The following GSR variants were observed in gnomAD, a reference collection of about 807,000 sequenced individuals.
GSR encodes glutathione reductase, mitochondrial.
Under a neutral mutation model 56.5 loss-of-function variants are expected in GSR, and 48 were observed. The ratio of observed to expected loss-of-function variants is 0.85; its 90% CI spans 0.67 to 1.08. The LOEUF (loss-of-function observed/expected upper bound fraction) is 1.08, where lower values mean the gene tolerates loss of function less well. GSR is among the 50% of genes least tolerant of loss of function. GSR has a pLI of 0.00. For synonymous variants in GSR, 264 were observed against 270.8 expected (o/e 0.97, Z 0.25); for missense variants, 694 against 703.3 (o/e 0.99, Z 0.15).
chr8:30,703,049 T>C (rs200512685), intron 5 of GSR, 44 bp downstream of exon 5: 36 of 1,600,774 alleles, frequency 2.2e-5, no homozygotes, highest in Non-Finnish European at 2.9e-5. Context: ...AAAGCAACAG[T>C]AAACTCCTGA....
Position 30,703,090 on chromosome 8 carries a change from C to T in GSR, c.640+3G>A, listed in dbSNP as rs764131758. On this transcript the variant is annotated splice_donor_region_variant and intron_variant, in intron 5 of 12. Transcript: ENST00000221130. ...GTTAATGAGTACCTGTTGTATGACT[C>T]ACCGGGGATCTGGCTCTCATGAGGG... 9.9e-6 allele frequency: 16 copies of T among 1,613,906 alleles called. No homozygotes were observed. The highest frequency in any genetic ancestry group is 1.3e-5 in the Non-Finnish European group (15 of 1,179,852).
intron 1 of GSR, among the ~76,000 whole-genome samples, chr8:30,723,208 G>A (rs1442330294): frequency 1.3e-5 from 2 of 152,250 alleles, no homozygotes; most frequent in South Asian, 2.1e-4. Flanking sequence ...GCAGAGAAGC[G>A]AACCACAGAG....
intron 3 of GSR, among the ~76,000 whole-genome samples, chr8:30,708,606 G>A (rs1265051750): frequency 6.6e-6 from 1 of 152,168 alleles, no homozygotes; most frequent in East Asian, 1.9e-4. Context: ...TGGAAGCAGA[G>A]ACCTGAACAG....
intron 8 of GSR, 73 bp downstream of exon 8, chr8:30,692,896 T>G: frequency 1.1e-6 from 1 of 911,324 alleles, no homozygotes; most frequent in East Asian, 2.4e-5. Flanking sequence ...GTTTTTAAAC[T>G]AACTGGGCGA....
chr8:30,704,281 C>T (rs1021362965), intron 4 of GSR, among the ~76,000 whole-genome samples: 10 of 152,050 alleles, frequency 6.6e-5, no homozygotes, highest in African/African-American at 2.4e-4. Context: ...GCCGAGATTA[C>T]GCCACTGCAC....
chr8:30,685,918 C>T (rs1010790475), intron 9 of GSR, among the ~76,000 whole-genome samples: 5 of 127,930 alleles, frequency 3.9e-5, no homozygotes, highest in Middle Eastern at 4.8e-3. Context: ...ACCCAGGGGG[C>T]GGAGATTGCA....
chr8:30,683,402 GATGGGACAGAGCTTGCA>G (rs1302265838), intron 10 of GSR, among the ~76,000 whole-genome samples: 2 of 152,174 alleles, frequency 1.3e-5, no homozygotes, highest in African/African-American at 4.8e-5. Context: ...AATGGATAGA[GATGGGACAGAGCTTGCA>G]ATGGTGCTTA....
rs71206279 is a variant in GSR, at chr8:30,692,196, C to CTTTTT, written c.882+768_882+772dup. Among the ~76,000 whole-genome samples, 349 of 76,460 alleles carry CTTTTT rather than the reference C, an allele frequency of 4.6e-3. 8 individuals are homozygous for CTTTTT. Among genetic ancestry groups the CTTTTT allele is most frequent in the Non-Finnish European group, 5.0e-3 (216 of 42,990 alleles). The allele number at this position is 76,460 out of a possible 152,430, so 50.2% of individuals were successfully genotyped here. A position where few individuals can be genotyped will look rare whatever the true frequency, so the allele number is the denominator to read the frequency against. ...CTTCAAGGCTGAATGTAAAATACAG[C>CTTTTT]TTTTTTTTTTTTTTTTTTTTTTTTT... On this transcript the variant is annotated intron_variant, in intron 8 of 12. Transcript: ENST00000221130.
chr8:30,707,819 T>G (rs1803965731), intron 4 of GSR, among the ~76,000 whole-genome samples: 1 of 151,964 alleles, frequency 6.6e-6, no homozygotes. Flanking sequence ...TCGATGGGTG[T>G]GGTGGCACAC....
chr8:30,707,810 C>T (rs1282433392), intron 4 of GSR, among the ~76,000 whole-genome samples: 3 of 151,652 alleles, frequency 2.0e-5, no homozygotes, highest in South Asian at 4.2e-4. Context: ...TACAAAAATT[C>T]GATGGGTGTG....
intron 7 of GSR, among the ~76,000 whole-genome samples, chr8:30,694,252 G>T (rs1312937373): frequency 6.6e-6 from 1 of 152,088 alleles, no homozygotes; most frequent in Non-Finnish European, 1.5e-5. Flanking sequence ...TAGCATCTTG[G>T]TAGTCAGGGA....
At position 30,681,955 on chromosome 8, in the gene GSR, A is replaced by C. The variant is rs1043143039; in HGVS notation, c.1260T>G (p.Pro420=). The change falls in exon 11 of 13, where the codon CCT becomes CCG. Residue 420 remains proline (P), a synonymous_variant. Coordinates refer to ENST00000221130, the MANE Select transcript of GSR (RefSeq NM_000637.5). ...CTTCCGTGAGTCCCACTGTCCCAAT[A>C]GGGGGGTGGCTGAAGACCACAGTTG... ...NIPTVVFSHP[P]IGTVGLTEDE... is the part of the protein sequence containing the mutation. The C allele has an allele frequency of 2.9e-5, 47 of 1,613,372 alleles. No homozygotes were observed. Among genetic ancestry groups the C allele is most frequent in the Non-Finnish European group, 3.9e-5 (46 of 1,179,400 alleles).
At chr8:30,715,903 A>G in intron 1 of GSR, among the ~76,000 whole-genome samples, 1 of 152,316 alleles carries the variant, frequency 6.6e-6, no homozygotes, top group African/African-American at 2.4e-5. Context: ...AAAAGTTTTT[A>G]AAAAATATGT....
intron 1 of GSR, among the ~76,000 whole-genome samples, chr8:30,719,633 A>T (rs1158317175): frequency 2.0e-5 from 3 of 152,054 alleles, no homozygotes; most frequent in Non-Finnish European, 4.4e-5. Context: ...CAAACCGATG[A>T]TCCATTCCTG....
At chr8:30,716,611 G>A (rs1804341120) in intron 1 of GSR, among the ~76,000 whole-genome samples, 2 of 151,810 alleles carry the variant, frequency 1.3e-5, no homozygotes, top group African/African-American at 4.8e-5. Flanking sequence ...AGTTCAAGAT[G>A]AGCCTGGGCA....
At chr8:30,713,027 A>G (rs1804208098) in intron 1 of GSR, among the ~76,000 whole-genome samples, 1 of 151,788 alleles carries the variant, frequency 6.6e-6, no homozygotes, top group South Asian at 2.1e-4. Flanking sequence ...AAAAAGCAAG[A>G]CTCAGAAAAC....
chr8:30,713,065 C>T lies in GSR; in HGVS notation c.307-977G>A, dbSNP rs1349535113. On this transcript the variant is annotated intron_variant, in intron 1 of 12. Transcript: ENST00000221130. Reference sequence around the variant, plus strand: ...CTTTTTTTTTTTTTTGAGACGGAGTCTCGCTTTGTTGCCCAGGCTGGAGTG... The same window carrying T: ...CTTTTTTTTTTTTTTGAGACGGAGTTTCGCTTTGTTGCCCAGGCTGGAGTG... Among the ~76,000 whole-genome samples the T allele has an allele frequency of 2.7e-5, 4 of 150,740 alleles. No homozygotes were observed. In the East Asian group the frequency reaches 5.8e-4, roughly 22 times the overall value.
At chr8:30,706,517 A>G (rs780166342) in intron 4 of GSR, among the ~76,000 whole-genome samples, 2 of 152,076 alleles carry the variant, frequency 1.3e-5, no homozygotes, top group Non-Finnish European at 2.9e-5. Context: ...ATAAACAAAC[A>G]AACAAACAAA....
At chr8:30,688,783 G>T (rs1235343550) in intron 9 of GSR, among the ~76,000 whole-genome samples, 1 of 151,384 alleles carries the variant, frequency 6.6e-6, no homozygotes, top group African/African-American at 2.4e-5. Context: ...AAATTAGCTG[G>T]GCATTGTGGC....
Sources: gnomAD v4.1 joint callset for allele counts (sites outside exome capture counted in the v4.1 genomes callset) on GRCh38, gnomAD v4.1.1 for gene constraint, MANE v1.5 for transcripts, NCBI Gene and HGNC (gene_info 2026-07-23, HGNC 2026-07-21) for gene names.